AKAP10: variants seen among roughly 807,000 people sequenced by gnomAD.
AKAP10 encodes the protein A-kinase anchoring protein 10, also known as A-kinase anchor protein 10, mitochondrial.
Under a neutral mutation model 80.8 loss-of-function variants are expected in AKAP10, and 24 were observed. That is an observed-to-expected ratio of 0.30 (90% CI 0.22 to 0.42). AKAP10 has a LOEUF of 0.42. AKAP10 is among the 10% of genes least tolerant of loss of function. The pLI is 1.00. For missense variants in AKAP10, 661 were observed against 794.9 expected, an observed-to-expected ratio of 0.83 and a Z score of 2.03; for synonymous variants, 291 against 277.7, an observed-to-expected ratio of 1.05 and a Z score of -0.48.
At chr17:19,909,495 G>A (rs1468580730) in intron 13 of AKAP10, among the ~76,000 whole-genome samples, 1 of 152,080 alleles carries the variant, frequency 6.6e-6, no homozygotes, top group Non-Finnish European at 1.5e-5. Flanking sequence ...ACCTAACACC[G>A]AACTACTTTC....
chr17:19,914,598 C>T (rs2042724471), intron 12 of AKAP10, among the ~76,000 whole-genome samples: 1 of 134,108 alleles, frequency 7.5e-6, no homozygotes, highest in Admixed American at 8.3e-5. Flanking sequence ...GTCGTGATTC[C>T]AGCCTGGGCA....
At chr17:19,914,729 C>A (rs2042727254) in intron 12 of AKAP10, among the ~76,000 whole-genome samples, 1 of 151,532 alleles carries the variant, frequency 6.6e-6, no homozygotes, top group African/African-American at 2.4e-5. Flanking sequence ...TTGGGAAGGT[C>A]CCTCTCTGAA....
chr17:19,909,211 C>A lies in AKAP10; in HGVS notation c.1953G>T (p.Gln651His). Residue 651 changes from glutamine (Q) to histidine (H), a missense_variant, in exon 14 of 15, where the codon CAG (glutamine) becomes CAT (histidine). Coordinates refer to ENST00000225737, the MANE Select transcript of AKAP10 (RefSeq NM_007202.4). ...TAGATTTCTCTAACGGTTGATCATACTGAGCCTGCTGCATAATGTCACTGA... is the reference window on the plus strand; with the variant it reads ...TAGATTTCTCTAACGGTTGATCATAATGAGCCTGCTGCATAATGTCACTGA... ...MIVSDIMQQA[Q>H]YDQPLEKSTK... The A allele has an allele frequency of 6.2e-7, 1 of 1,613,674 alleles. No homozygotes were observed. The highest frequency in any genetic ancestry group is 8.5e-7 in the Non-Finnish European group (1 of 1,179,914).
chr17:19,955,818 G>C (rs977910089), intron 4 of AKAP10, among the ~76,000 whole-genome samples: 1 of 151,966 alleles, frequency 6.6e-6, no homozygotes, highest in Non-Finnish European at 1.5e-5. Context: ...CTGGGTGACA[G>C]AGTGAGACTC....
chr17:19,906,653 C>T (rs886962854), intron 14 of AKAP10, among the ~76,000 whole-genome samples: 2 of 152,192 alleles, frequency 1.3e-5, no homozygotes, highest in Non-Finnish European at 2.9e-5. Context: ...ACAAATATCA[C>T]GGAAGACAAG....
intron 10 of AKAP10, among the ~76,000 whole-genome samples, chr17:19,931,319 A>G (rs2042930080): frequency 6.6e-6 from 1 of 152,194 alleles, no homozygotes; most frequent in South Asian, 2.1e-4. Context: ...ATGATACTTT[A>G]CAATACAGTA....
intron 10 of AKAP10, among the ~76,000 whole-genome samples, chr17:19,930,631 A>G (rs2042921925): frequency 6.6e-6 from 1 of 152,072 alleles, no homozygotes; most frequent in African/African-American, 2.4e-5. Context: ...CAAAAAAAAA[A>G]GAAACTTAGG....
intron 11 of AKAP10, among the ~76,000 whole-genome samples, chr17:19,923,279 T>C (rs1264079993): frequency 1.3e-5 from 2 of 151,910 alleles, no homozygotes; most frequent in Non-Finnish European, 2.9e-5. Context: ...GGTTTCACCA[T>C]GTTGCCCAGG....
intron 1 of AKAP10, among the ~76,000 whole-genome samples, 188 bp from the exon 2 acceptor site, chr17:19,968,649 G>A (rs567099559): frequency 2.6e-5 from 4 of 152,320 alleles, no homozygotes; most frequent in African/African-American, 9.6e-5. Context: ...CCTTGGAACA[G>A]CATCCAGTCA....
At chr17:19,964,472 G>C (rs926957417) in intron 2 of AKAP10, among the ~76,000 whole-genome samples, 3 of 152,232 alleles carry the variant, frequency 2.0e-5, no homozygotes, top group Admixed American at 1.3e-4. Context: ...CCTTCTTGAG[G>C]CTATCTGTTC....
chr17:19,909,858 T>G (rs1016070591), intron 13 of AKAP10, 68 bp downstream of exon 13: 1 of 1,485,792 alleles, frequency 6.7e-7, no homozygotes, highest in Non-Finnish European at 9.3e-7. Flanking sequence ...AAGGAAAATT[T>G]TAAACCTCAC....
At chr17:19,946,850 C>G (rs1191835332) in intron 5 of AKAP10, among the ~76,000 whole-genome samples, 1 of 152,112 alleles carries the variant, frequency 6.6e-6, no homozygotes, top group African/African-American at 2.4e-5. Context: ...TGTGATGGCT[C>G]TGGCTAATGC....
At chr17:19,972,754 G>T (rs750185809) in intron 1 of AKAP10, among the ~76,000 whole-genome samples, 1 of 152,086 alleles carries the variant, frequency 6.6e-6, no homozygotes, top group Non-Finnish European at 1.5e-5. Flanking sequence ...CGCGCTTGGC[G>T]AAAGTTTTAA....
At chr17:19,919,560 T>A (rs1472287843) in intron 12 of AKAP10, among the ~76,000 whole-genome samples, 1 of 151,896 alleles carries the variant, frequency 6.6e-6, no homozygotes, top group Non-Finnish European at 1.5e-5. Flanking sequence ...GGTGCGCACT[T>A]GTAGTCCCAG....
intron 9 of AKAP10, chr17:19,935,954 T>C (rs1239863458): frequency 5.7e-6 from 1 of 176,094 alleles, no homozygotes; most frequent in Non-Finnish European, 1.2e-5. Context: ...TTTTTTGTTT[T>C]GTTCTTGGTT....
chr17:19,939,004 T>A (rs2043024542), intron 8 of AKAP10, among the ~76,000 whole-genome samples: 2 of 152,142 alleles, frequency 1.3e-5, no homozygotes, highest in African/African-American at 4.8e-5. Flanking sequence ...AGTGTTGTGA[T>A]TACAGGAGTG....
intron 8 of AKAP10, among the ~76,000 whole-genome samples, chr17:19,938,007 C>G (rs1320881605): frequency 6.8e-6 from 1 of 146,022 alleles, no homozygotes; most frequent in Non-Finnish European, 1.5e-5. Context: ...AGATGCAGTC[C>G]TCTGCCTCCC....
chr17:19,957,656 T>G (rs912649938), intron 4 of AKAP10, among the ~76,000 whole-genome samples: 7 of 152,212 alleles, frequency 4.6e-5, no homozygotes, highest in African/African-American at 1.7e-4. Flanking sequence ...TTTTAAAAAT[T>G]TTTTAAAAAT....
chr17:19,922,458 C>T (rs1362384738), intron 11 of AKAP10, among the ~76,000 whole-genome samples: 2 of 152,030 alleles, frequency 1.3e-5, no homozygotes, highest in East Asian at 3.9e-4. Context: ...TTCACCATGT[C>T]GGCCAGGCTG....
Sources: allele counts gnomAD v4.1 joint callset (sites outside exome capture counted in the v4.1 genomes callset), GRCh38; gene constraint gnomAD v4.1.1; transcripts MANE v1.5; gene names NCBI Gene and HGNC (gene_info 2026-07-23, HGNC 2026-07-21).